Variants in ZNF33B observed in about 807,000 individuals in gnomAD.
ZNF33B encodes the protein zinc finger protein 11b (KOX 2).
Under a neutral mutation model 45.8 loss-of-function variants are expected in ZNF33B, and 29 were observed. That is an observed-to-expected ratio of 0.63 (90% CI 0.47 to 0.86). ZNF33B has a LOEUF of 0.86. ZNF33B is among the 40% of genes least tolerant of loss of function. ZNF33B has a pLI of 0.00. For missense variants in ZNF33B, 831 were observed against 909.9 expected (o/e 0.91, Z 1.12); for synonymous variants, 305 against 307.8 (o/e 0.99, Z 0.10).
chr10:42,620,567 ATT>A (rs1195207102), intron 4 of ZNF33B, among the ~76,000 whole-genome samples: 2 of 142,422 alleles, frequency 1.4e-5, no homozygotes, highest in African/African-American at 5.1e-5. Context: ...ACACCCAACT[ATT>A]TTTTTTTTTT....
chr10:42,583,777 G>A (rs1206181095), intron 1 of ZNF33B, among the ~76,000 whole-genome samples: 4 of 152,200 alleles, frequency 2.6e-5, no homozygotes, highest in South Asian at 4.2e-4. Context: ...CAGAATCACC[G>A]AGATAAAGCC....
chr10:42,594,792 C>A, intron 4 of ZNF33B, 93 bp from the exon 5 acceptor site: 2 of 1,378,902 alleles, frequency 1.5e-6, no homozygotes, highest in South Asian at 1.9e-5. Flanking sequence ...TTGTAGCTGA[C>A]TCTGGTTTTT....
At chr10:42,615,038 G>A (rs762272272) in intron 4 of ZNF33B, among the ~76,000 whole-genome samples, 4 of 151,920 alleles carry the variant, frequency 2.6e-5, no homozygotes, top group Non-Finnish European at 5.9e-5. Context: ...ACAACTACTG[G>A]ATTGGTATAA....
At chr10:42,619,907 T>C (rs1259555311) in intron 4 of ZNF33B, among the ~76,000 whole-genome samples, 4 of 7,710 alleles carry the variant, frequency 5.2e-4, no homozygotes, top group Admixed American at 2.1e-3. Context: ...ATATATAATA[T>C]AAAATAATAA....
chr10:42,604,587 T>C (rs1201866251), intron 4 of ZNF33B, among the ~76,000 whole-genome samples: 2 of 151,938 alleles, frequency 1.3e-5, no homozygotes, highest in Non-Finnish European at 2.9e-5. Context: ...TCAAAAATTA[T>C]AACTGCAATG....
chr10:42,628,389 T>A (rs1156741828), intron 4 of ZNF33B, among the ~76,000 whole-genome samples: 1 of 152,294 alleles, frequency 6.6e-6, no homozygotes, highest in Non-Finnish European at 1.5e-5. Flanking sequence ...CTATATCTGC[T>A]AGTAATCATA....
chr10:42,606,168 A>C (rs1837840488), intron 4 of ZNF33B, among the ~76,000 whole-genome samples: 1 of 152,052 alleles, frequency 6.6e-6, no homozygotes, highest in African/African-American at 2.4e-5. Context: ...ATAAAGCAAA[A>C]AAAATAAGCA....
chr10:42,584,456 G>A (rs1482774835), downstream of ZNF33B, among the ~76,000 whole-genome samples: 3 of 151,980 alleles, frequency 2.0e-5, no homozygotes, highest in Non-Finnish European at 2.9e-5. Context: ...GCTCCACAAC[G>A]TGCTCACATG....
intron 4 of ZNF33B, among the ~76,000 whole-genome samples, chr10:42,618,562 T>C (rs1002519869): frequency 6.6e-6 from 1 of 152,210 alleles, no homozygotes; most frequent in Admixed American, 6.5e-5. Context: ...TATGAATAAT[T>C]CAGTTTCTCT....
At chr10:42,631,193 G>GT (rs957674300) in intron 4 of ZNF33B, among the ~76,000 whole-genome samples, 15 of 151,090 alleles carry the variant, frequency 9.9e-5, no homozygotes, top group African/African-American at 2.7e-4. Context: ...ACATAATTTT[G>GT]TTTTTTTTTT....
At chr10:42,622,133 AG>A (rs1397657196) in intron 4 of ZNF33B, among the ~76,000 whole-genome samples, 1 of 152,226 alleles carries the variant, frequency 6.6e-6, no homozygotes, top group Non-Finnish European at 1.5e-5. Flanking sequence ...TTAACCAAGA[AG>A]GTGCAAGACT....
At chr10:42,630,981 T>C (rs1217826173) in intron 4 of ZNF33B, among the ~76,000 whole-genome samples, 1 of 152,150 alleles carries the variant, frequency 6.6e-6, no homozygotes, top group Admixed American at 6.6e-5. Context: ...TAGCAGCTGC[T>C]ATTACCCCTG....
intron 1 of ZNF33B, among the ~76,000 whole-genome samples, chr10:42,580,106 T>C (rs1359735950): frequency 6.6e-6 from 1 of 152,174 alleles, no homozygotes; most frequent in African/African-American, 2.4e-5. Flanking sequence ...GGTAATATGG[T>C]CACCATGATC....
intron 4 of ZNF33B, among the ~76,000 whole-genome samples, chr10:42,601,577 G>A (rs113140955): frequency 0.021 from 3,034 of 147,892 alleles, 76 homozygotes; most frequent in African/African-American, 0.063. Context: ...ATGTTCAGGT[G>A]ATTCTCCTGC....
intron 4 of ZNF33B, among the ~76,000 whole-genome samples, chr10:42,620,466 A>G (rs1400914346): frequency 3.3e-5 from 5 of 151,994 alleles, no homozygotes; most frequent in Admixed American, 2.0e-4. Context: ...GCAGTGACAC[A>G]AACAGGACTC....
chr10:42,632,209 T>A, intron 3 of ZNF33B, 86 bp downstream of exon 3: 2 of 1,545,264 alleles, frequency 1.3e-6, no homozygotes, highest in African/African-American at 1.4e-5. Flanking sequence ...GCCTAAATAA[T>A]GTCATTAAAC....
chr10:42,630,958 T>A (rs1375528420), intron 4 of ZNF33B, among the ~76,000 whole-genome samples: 1 of 152,062 alleles, frequency 6.6e-6, no homozygotes, highest in Non-Finnish European at 1.5e-5. Flanking sequence ...CCAAGCACAT[T>A]CCTGTCCAAG....
intron 4 of ZNF33B, among the ~76,000 whole-genome samples, chr10:42,607,275 A>C (rs1309717140): frequency 6.6e-6 from 1 of 152,074 alleles, no homozygotes; most frequent in Non-Finnish European, 1.5e-5. Flanking sequence ...ATTTTCAAAG[A>C]GACATAGTAA....
chr10:42,637,313 A>C (rs1839350352), intron 1 of ZNF33B, among the ~76,000 whole-genome samples: 1 of 152,240 alleles, frequency 6.6e-6, no homozygotes, highest in Non-Finnish European at 1.5e-5. Context: ...AAAAACATTA[A>C]CACTAAAACC....
Sources: allele counts gnomAD v4.1 joint callset (sites outside exome capture counted in the v4.1 genomes callset), GRCh38; gene constraint gnomAD v4.1.1; transcripts MANE v1.5; gene names NCBI Gene and HGNC (gene_info 2026-07-23, HGNC 2026-07-21).